Variants in COL4A2 observed in about 807,000 individuals in gnomAD.
COL4A2 encodes collagen type IV alpha 2 chain, also known as collagen alpha-2(IV) chain.
A neutral mutation model predicts 200.2 loss-of-function variants in COL4A2; 99 were observed. That is an observed-to-expected ratio of 0.49 (90% CI 0.42 to 0.58). COL4A2 has a LOEUF of 0.58. COL4A2 is among the 20% of genes least tolerant of loss of function. The pLI is 0.00. For synonymous variants in COL4A2, 897 were observed against 900.6 expected (o/e 1.00, Z 0.07); for missense variants, 1,950 against 2,314.1 (o/e 0.84, Z 3.23).
chr13:110,477,990 C>T lies in COL4A2; in HGVS notation c.2426-13C>T, dbSNP rs765137649. On this transcript the variant is annotated splice_polypyrimidine_tract_variant and intron_variant, in intron 29 of 47. Transcript: ENST00000360467. ...GAGTTGGCCCCCACAGCTCTTGTCT[C>T]TGATTCCTGCAGGAAGCCAAGGGAT... 1.3e-6 allele frequency: 2 copies of T among 1,543,720 alleles called. No homozygotes were observed. The highest frequency in any genetic ancestry group is 1.8e-6 in the Non-Finnish European group (2 of 1,141,382).
At chr13:110,510,192 A>G (rs1489782725) in intron 47 of COL4A2, among the ~76,000 whole-genome samples, 2 of 152,156 alleles carry the variant, frequency 1.3e-5, no homozygotes, top group African/African-American at 4.8e-5. Flanking sequence ...CGCCTGGCTC[A>G]CCCTTCTTTT....
intron 40 of COL4A2, among the ~76,000 whole-genome samples, chr13:110,499,118 G>T (rs1353016944): frequency 2.6e-5 from 4 of 152,208 alleles, no homozygotes; most frequent in Admixed American, 2.6e-4. Context: ...TGTCATTCAG[G>T]ACACACACTC....
intron 3 of COL4A2, among the ~76,000 whole-genome samples, chr13:110,355,921 T>C (rs1307430464): frequency 2.0e-5 from 3 of 151,882 alleles, no homozygotes; most frequent in African/African-American, 4.8e-5. Context: ...AGGGCAGCAC[T>C]GGCTCACCTG....
chr13:110,448,108 T>C (rs1329283108), intron 18 of COL4A2, among the ~76,000 whole-genome samples: 3 of 152,042 alleles, frequency 2.0e-5, no homozygotes, highest in African/African-American at 7.2e-5. Context: ...TCCTGCCTCA[T>C]CCATGGCGCA....
intron 3 of COL4A2, among the ~76,000 whole-genome samples, chr13:110,336,242 C>T (rs1376133987): frequency 6.6e-6 from 1 of 152,094 alleles, no homozygotes; most frequent in Non-Finnish European, 1.5e-5. Context: ...GATAATTTGT[C>T]TGATTGTCTC....
At chr13:110,491,840 C>A (rs899595311) in intron 37 of COL4A2, among the ~76,000 whole-genome samples, 3 of 152,216 alleles carry the variant, frequency 2.0e-5, no homozygotes, top group Admixed American at 1.3e-4. Flanking sequence ...TAAAACTACA[C>A]GCTATTTTCT....
chr13:110,336,703 C>T (rs774979489), intron 3 of COL4A2, among the ~76,000 whole-genome samples: 22 of 152,224 alleles, frequency 1.4e-4, no homozygotes, highest in Non-Finnish European at 3.1e-4. Context: ...CATCTGCAAG[C>T]AGCTCATCTG....
At chr13:110,450,253 A>C in intron 19 of COL4A2, 52 bp from the exon 20 acceptor site, 1 of 1,547,474 alleles carries the variant, frequency 6.5e-7, no homozygotes, top group Non-Finnish European at 8.9e-7. Context: ...ACACAAAGGC[A>C]GCGGTGTGGT....
intron 25 of COL4A2, 49 bp downstream of exon 25, chr13:110,465,655 C>T (rs1025567738): frequency 5.4e-6 from 8 of 1,478,800 alleles, no homozygotes; most frequent in African/African-American, 4.2e-5. Context: ...AGACATTCCA[C>T]GCTTTCCTTT....
At chr13:110,438,810 CCACACACACACACAGCAG>C (rs1881010925) in intron 15 of COL4A2, 142 bp downstream of exon 15, 5 of 617,344 alleles carry the variant, frequency 8.1e-6, no homozygotes, top group African/African-American at 2.2e-5. Flanking sequence ...CCACCCCCCC[CCACACACACACACAGCAG>C]CCCCCCAGCA....
At chr13:110,354,910 G>C (rs2139384475) in intron 3 of COL4A2, among the ~76,000 whole-genome samples, 1 of 152,306 alleles carries the variant, frequency 6.6e-6, no homozygotes, top group East Asian at 1.9e-4. Flanking sequence ...AGTGGGCCTG[G>C]CCATGCCACT....
At chr13:110,472,351 G>A (rs996259415) in intron 28 of COL4A2, among the ~76,000 whole-genome samples, 36 of 152,102 alleles carry the variant, frequency 2.4e-4, no homozygotes, top group Admixed American at 1.2e-3. Context: ...TCCTGACCTC[G>A]TGATTCACCC....
chr13:110,503,200 A>G lies in COL4A2; in HGVS notation c.3957A>G (p.Pro1319=). The part of the protein sequence containing the change: ...SKGDTGNPGA[P]GTPGTKGWAG... ...GTGACACAGGGAACCCAGGAGCTCC[A>G]GGAACCCCAGGGACCAAAGGATGGG... The change falls in exon 42 of 48, where the codon CCA becomes CCG. Residue 1319 remains proline, a synonymous_variant. Transcript: ENST00000360467. The G allele has an allele frequency of 6.2e-7, 1 of 1,614,010 alleles. No individual in the cohort carries two copies. Among genetic ancestry groups the G allele is most frequent in the Non-Finnish European group, 8.5e-7 (1 of 1,179,994 alleles).
intron 30 of COL4A2, 92 bp from the exon 31 acceptor site, chr13:110,480,128 T>C: frequency 7.4e-7 from 1 of 1,357,186 alleles, no homozygotes; most frequent in African/African-American, 1.5e-5. Context: ...AAGGAGCTTT[T>C]CTTACTGAAC....
chr13:110,352,296 C>G (rs1156376522), intron 3 of COL4A2, among the ~76,000 whole-genome samples: 2 of 152,218 alleles, frequency 1.3e-5, no homozygotes, highest in African/African-American at 4.8e-5. Flanking sequence ...TGAACACAGC[C>G]AGTCCTCTCT....
intron 11 of COL4A2, among the ~76,000 whole-genome samples, 163 bp from the exon 12 acceptor site, chr13:110,434,238 G>A (rs974982507): frequency 2.0e-5 from 3 of 152,190 alleles, no homozygotes; most frequent in Non-Finnish European, 2.9e-5. Context: ...ATGACAAACT[G>A]TCAATTAGTT....
intron 3 of COL4A2, among the ~76,000 whole-genome samples, chr13:110,331,963 C>A (rs1410769044): frequency 6.6e-6 from 1 of 152,084 alleles, no homozygotes; most frequent in East Asian, 1.9e-4. Flanking sequence ...TTAATGATGT[C>A]CAATAAGCTG....
At chr13:110,316,459 C>G (rs987404642) in intron 3 of COL4A2, among the ~76,000 whole-genome samples, 1 of 152,148 alleles carries the variant, frequency 6.6e-6, no homozygotes, top group Non-Finnish European at 1.5e-5. Context: ...AGCCACCAGC[C>G]CGGCCCTCCT....
chr13:110,383,322 GA>G (rs1878563357), intron 4 of COL4A2, among the ~76,000 whole-genome samples: 1 of 152,104 alleles, frequency 6.6e-6, no homozygotes, highest in South Asian at 2.1e-4. Context: ...GGAAGAGAGG[GA>G]AAAAACAATT....
Sources: allele counts gnomAD v4.1 joint callset (sites outside exome capture counted in the v4.1 genomes callset), GRCh38; gene constraint gnomAD v4.1.1; transcripts MANE v1.5; gene names NCBI Gene and HGNC (gene_info 2026-07-23, HGNC 2026-07-21).